Variants in CXXC4 observed in about 807,000 individuals in gnomAD.
CXXC4 encodes CXXC finger protein 4.
CXXC4 carries 5 observed loss-of-function variants against 20.5 expected under a neutral mutation model. That is an observed-to-expected ratio of 0.24 (90% CI 0.13 to 0.51). The LOEUF (loss-of-function observed/expected upper bound fraction) is 0.51, where lower values mean the gene tolerates loss of function less well. Among genes scored for constraint, CXXC4 ranks in the 20% least tolerant of loss-of-function variants. The pLI, the probability that CXXC4 is intolerant of heterozygous loss-of-function variation, is 0.97. For missense variants in CXXC4, 419 were observed against 496.4 expected, an observed-to-expected ratio of 0.84 and a Z score of 1.48; for synonymous variants, 250 against 216.4, an observed-to-expected ratio of 1.16 and a Z score of -1.36.
In CXXC4 at chr4:104,491,304, TGCTGCCGCC is replaced by T. The variant is rs1560544542; in HGVS notation, c.490_498del (p.Gly164_Ser166del). On this transcript the variant is annotated inframe_deletion, in exon 2 of 3. Coordinates refer to ENST00000394767, the MANE Select transcript of CXXC4 (RefSeq NM_025212.4). Reference sequence around the variant, plus strand: ...TCGTTTCGGTGGTGCATGCTGGTCCTGCTGCCGCCGCCGCCGCCGCCGCCGCCACCGCCG... The same window carrying T: ...TCGTTTCGGTGGTGCATGCTGGTCCTGCCGCCGCCGCCGCCGCCACCGCCG... 1 of 1,580,850 alleles carries T rather than the reference TGCTGCCGCC, an allele frequency of 6.3e-7. No individual in the cohort carries two copies. The highest frequency in any genetic ancestry group is 1.1e-5 in the South Asian group (1 of 87,804).
intron 2 of CXXC4, among the ~76,000 whole-genome samples, chr4:104,479,191 T>C (rs1231727381): frequency 6.6e-6 from 1 of 152,122 alleles, no homozygotes; most frequent in Non-Finnish European, 1.5e-5. Context: ...TGAAACCGTA[T>C]TAACTTTATC....
chr4:104,470,312 A>C lies in CXXC4; in HGVS notation c.*2010T>G, dbSNP rs1736235114. 1 of 152,050 alleles carries C rather than the reference A, an allele frequency of 6.6e-6. No individual in the cohort carries two copies. The allele number at this position is 152,050 out of a possible 1,614,324, so 9.4% of individuals were successfully genotyped here. A position where few individuals can be genotyped will look rare whatever the true frequency, so the allele number is the denominator to read the frequency against. On this transcript the variant is annotated 3_prime_UTR_variant, in exon 3 of 3. Coordinates refer to ENST00000394767, the MANE Select transcript of CXXC4 (RefSeq NM_025212.4). ...AGTATACAGCACATTTTAGCTTGTA[A>C]TCATTTAATTCTCATCTCTAAATAT...
Position 104,482,212 on chromosome 4 carries a change from A to T in CXXC4, c.1059+8532T>A, listed in dbSNP as rs753670203. ...AGTTAAAACATTGGTTTCATGGACC[A>T]CCAACATATTGTCACCTGCAGTTTG... On this transcript the variant is annotated intron_variant, in intron 2 of 2. Transcript: ENST00000394767. Among the ~76,000 whole-genome samples the T allele has an allele frequency of 7.2e-5, 11 of 152,198 alleles. No homozygotes were observed. In the South Asian group the frequency reaches 8.3e-4, roughly 11 times the overall value.
At position 104,491,502 on chromosome 4, in the gene CXXC4, T is replaced by TGGCGGC. The variant is rs949353670; in HGVS notation, c.295_300dup (p.Ala99_Ala100dup). The TGGCGGC allele has an allele frequency of 1.8e-5, 15 of 818,386 alleles. No individual in the cohort carries two copies. Among genetic ancestry groups the TGGCGGC allele is most frequent in the Non-Finnish European group, 2.5e-5 (15 of 590,984 alleles). The allele number at this position is 818,386 out of a possible 1,614,324, so 50.7% of individuals were successfully genotyped here. On this transcript the variant is annotated inframe_insertion, in exon 2 of 3. Coordinates refer to ENST00000394767, the MANE Select transcript of CXXC4 (RefSeq NM_025212.4). ...CCGCCGCTGCCCCAGAGCATGGCGG[T>TGGCGGC]GGCGGCGGCGGCGGTGGCCGCGTTG...
rs1736257138 is a variant in CXXC4, at chr4:104,470,967, G to A, written c.*1355C>T. On this transcript the variant is annotated 3_prime_UTR_variant, in exon 3 of 3. Transcript: ENST00000394767. ...ATCCTTTGTGTGTAGGTTGTGGGGG[G>A]AGGGGTATGTCATGCATTTATGAAA... 1 of 151,838 alleles carries A rather than the reference G, an allele frequency of 6.6e-6. No individual in the cohort carries two copies. Among genetic ancestry groups the A allele is most frequent in the East Asian group, 1.9e-4 (1 of 5,154 alleles). 9.4% of individuals were successfully genotyped at this position (151,838 alleles called of 1,614,324 possible).
Position 104,490,924 on chromosome 4 carries a change from C to T in CXXC4, c.879G>A (p.Gly293=). 1 of 1,614,110 alleles carries T rather than the reference C, an allele frequency of 6.2e-7. No homozygotes were observed. Among genetic ancestry groups the T allele is most frequent in the Non-Finnish European group, 8.5e-7 (1 of 1,180,026 alleles). The change falls in exon 2 of 3, where the codon GGG becomes GGA. Residue 293 remains glycine, a synonymous_variant. Coordinates refer to ENST00000394767, the MANE Select transcript of CXXC4 (RefSeq NM_025212.4). ...TGGCTGGGTTGGCTCCGCCAGCTCC[C>T]CCTGAGGAGGACGAGGAGGAGGAGG... The part of the protein sequence containing the change: ...NHSSSSSSSS[G]GAGGANPAKK...
rs1184488711 is a variant in CXXC4, at chr4:104,472,173, T to C, written c.*149A>G. On this transcript the variant is annotated 3_prime_UTR_variant, in exon 3 of 3. Transcript: ENST00000394767. ...TATGTCTTTTTCTTTTCTTTTCCTC[T>C]TTTTTTTTTTTTTTGAAGAAAGCCC... is the stretch of plus-strand genomic sequence containing the variant. 2 of 72,084 alleles carry C rather than the reference T, an allele frequency of 2.8e-5. No individual in the cohort carries two copies. Among genetic ancestry groups the C allele is most frequent in the Non-Finnish European group, 2.4e-5 (1 of 41,086 alleles). 4.5% of individuals were successfully genotyped at this position (72,084 alleles called of 1,614,324 possible).
chr4:104,492,929 C>T (rs961886444), intron 1 of CXXC4, among the ~76,000 whole-genome samples: 1 of 151,620 alleles, frequency 6.6e-6, no homozygotes, highest in Non-Finnish European at 1.5e-5. Flanking sequence ...CCTGCAGCCT[C>T]TATAAGAATA....
chr4:104,469,234 C>T lies in CXXC4; in HGVS notation c.*3088G>A, dbSNP rs1261025693. 1 of 151,998 alleles carries T rather than the reference C, an allele frequency of 6.6e-6. No individual in the cohort carries two copies. Among genetic ancestry groups the T allele is most frequent in the Non-Finnish European group, 1.5e-5 (1 of 67,950 alleles). The allele number at this position is 151,998 out of a possible 1,614,324, so 9.4% of individuals were successfully genotyped here. A position where few individuals can be genotyped will look rare whatever the true frequency, so the allele number is the denominator to read the frequency against. ...GTGAGAGGTTTGCATTAATGATGTT[C>T]TTCGTGATGTTATGGTGCTGAGTGA... is the stretch of plus-strand genomic sequence containing the variant. On this transcript the variant is annotated 3_prime_UTR_variant, in exon 3 of 3. Coordinates refer to ENST00000394767, the MANE Select transcript of CXXC4 (RefSeq NM_025212.4).
rs1736260033 is a variant in CXXC4 at position 104,471,001 on chromosome 4, A to G, written c.*1321T>C. Reference sequence around the variant, plus strand: ...GTCATGCATTTATGAAATTCCAGAGACTGTAGCCCTGCCTTCTCAGGAATG... The same window carrying G: ...GTCATGCATTTATGAAATTCCAGAGGCTGTAGCCCTGCCTTCTCAGGAATG... On this transcript the variant is annotated 3_prime_UTR_variant, in exon 3 of 3. Transcript: ENST00000394767. 6.6e-6 allele frequency: 1 copy of G among 151,962 alleles called. No homozygotes were observed. The highest frequency in any genetic ancestry group is 1.5e-5 in the Non-Finnish European group (1 of 67,980). 9.4% of individuals were successfully genotyped at this position (151,962 alleles called of 1,614,324 possible). A position where few individuals can be genotyped will look rare whatever the true frequency, so the allele number is the denominator to read the frequency against.
chr4:104,493,587 A>C (rs1305418361), intron 1 of CXXC4, among the ~76,000 whole-genome samples: 1 of 152,198 alleles, frequency 6.6e-6, no homozygotes, highest in East Asian at 1.9e-4. Flanking sequence ...CAAGATAAGG[A>C]ACCTCACCCC....
intron 2 of CXXC4, among the ~76,000 whole-genome samples, chr4:104,480,261 A>C (rs1025131837): frequency 1.3e-5 from 2 of 152,294 alleles, no homozygotes; most frequent in South Asian, 2.1e-4. Context: ...ACTAACTAGC[A>C]AAGTAAATTA....
chr4:104,493,923 C>G (rs2110282766), intron 1 of CXXC4, among the ~76,000 whole-genome samples: 1 of 152,110 alleles, frequency 6.6e-6, no homozygotes, highest in African/African-American at 2.4e-5. Context: ...AATTTTCAAC[C>G]TTTTAGTCTT....
intron 2 of CXXC4, among the ~76,000 whole-genome samples, chr4:104,474,054 A>G (rs1055709536): frequency 6.6e-6 from 1 of 152,012 alleles, no homozygotes; most frequent in African/African-American, 2.4e-5. Context: ...CCTCATCACA[A>G]ACACAATAAA....
chr4:104,478,578 A>C (rs1256953287), intron 2 of CXXC4, among the ~76,000 whole-genome samples: 1 of 152,134 alleles, frequency 6.6e-6, no homozygotes, highest in Non-Finnish European at 1.5e-5. Context: ...ATTTCAGTTA[A>C]ATTTCGTAAA....
At chr4:104,486,295 T>TA (rs1294914297) in intron 2 of CXXC4, among the ~76,000 whole-genome samples, 2 of 152,050 alleles carry the variant, frequency 1.3e-5, no homozygotes, top group African/African-American at 4.8e-5. Context: ...TTGAAGTATA[T>TA]AAAAAACAAC....
rs1736216741 is a variant in CXXC4 at position 104,469,806 on chromosome 4, A to C, written c.*2516T>G. The C allele has an allele frequency of 6.6e-6, 1 of 152,048 alleles. No individual in the cohort carries two copies. Among genetic ancestry groups the C allele is most frequent in the African/African-American group, 2.4e-5 (1 of 41,446 alleles). 9.4% of individuals were successfully genotyped at this position (152,048 alleles called of 1,614,324 possible). A position where few individuals can be genotyped will look rare whatever the true frequency, so the allele number is the denominator to read the frequency against. On this transcript the variant is annotated 3_prime_UTR_variant, in exon 3 of 3. Transcript: ENST00000394767. ...CATAAGAGAATTAATGAAAAGCTAC[A>C]CTTTCTCATTTCAGTAATCAACAAA...
rs3554 is a variant in CXXC4, at chr4:104,469,008, T to C, written c.*3314A>G. The C allele has an allele frequency of 0.72, 108,918 of 151,956 alleles. 40,718 individuals carry two copies. The highest frequency in any genetic ancestry group is 0.92 in the African/African-American group (38,234 of 41,518). The allele number at this position is 151,956 out of a possible 1,614,324, so 9.4% of individuals were successfully genotyped here. A position where few individuals can be genotyped will look rare whatever the true frequency, so the allele number is the denominator to read the frequency against. On this transcript the variant is annotated 3_prime_UTR_variant, in exon 3 of 3. Coordinates refer to ENST00000394767, the MANE Select transcript of CXXC4 (RefSeq NM_025212.4). ...AATTCATAATAAGTGCACCATCTCTTGCTCCTTATAAATGTGTTTAGAAGA... is the reference window on the plus strand; with the variant it reads ...AATTCATAATAAGTGCACCATCTCTCGCTCCTTATAAATGTGTTTAGAAGA...
chr4:104,492,738 T>C (rs2110282008), intron 1 of CXXC4, among the ~76,000 whole-genome samples: 1 of 152,178 alleles, frequency 6.6e-6, no homozygotes, highest in Non-Finnish European at 1.5e-5. Flanking sequence ...TGTTAGGGTC[T>C]TAATTCAATG....
Sources: gnomAD v4.1 joint callset for allele counts (sites outside exome capture counted in the v4.1 genomes callset) on GRCh38, gnomAD v4.1.1 for gene constraint, MANE v1.5 for transcripts, NCBI Gene and HGNC (gene_info 2026-07-23, HGNC 2026-07-21) for gene names.